The following SMAD2 variants were observed in gnomAD, a reference collection of about 807,000 sequenced individuals.
SMAD2 encodes the protein SMAD family member 2.
In SMAD2, 8 loss-of-function variants were observed where a neutral mutation model predicts 64.4. That is an observed-to-expected ratio of 0.12 (90% confidence interval 0.07 to 0.22). The LOEUF (loss-of-function observed/expected upper bound fraction) is 0.22. Ranked by LOEUF, SMAD2 falls within the 10% of genes least tolerant of loss-of-function variation. The pLI, the probability that SMAD2 is intolerant of heterozygous loss-of-function variation, is 1.00. For missense variants in SMAD2, 289 were observed against 561.2 expected, an observed-to-expected ratio of 0.51 and a Z score of 4.90; for synonymous variants, 203 against 195.8, an observed-to-expected ratio of 1.04 and a Z score of -0.31.
At chr18:47,895,742 C>T (rs947235153) in intron 2 of SMAD2, 1 of 152,198 alleles carries the variant, frequency 6.6e-6, no homozygotes, top group Admixed American at 6.5e-5. Flanking sequence ...TATCTATAAG[C>T]ATCAAAAGTG....
intron 2 of SMAD2, among the ~76,000 whole-genome samples, chr18:47,889,722 C>T (rs1317041473): frequency 2.0e-5 from 3 of 149,844 alleles, no homozygotes; most frequent in African/African-American, 7.4e-5. Context: ...AGTGAGCCGA[C>T]ATCACGCCAC....
chr18:47,821,988 TG>T lies in SMAD2; in HGVS notation c.*19838del, dbSNP rs1292830694. ...CCTTTGAGTTTTCCACTTGGGCCTC[TG>T]GAAAGCCTCAGAGCATGTGTATGCC... is the stretch of plus-strand genomic sequence containing the variant. On this transcript the variant is annotated 3_prime_UTR_variant, in exon 11 of 11. Transcript: ENST00000262160. 2 of 152,238 alleles carry T rather than the reference TG, an allele frequency of 1.3e-5. No individual in the cohort carries two copies. Among genetic ancestry groups the T allele is most frequent in the Non-Finnish European group, 1.5e-5 (1 of 68,038 alleles). 9.4% of individuals were successfully genotyped at this position (152,238 alleles called of 1,614,324 possible). A position where few individuals can be genotyped will look rare whatever the true frequency, so the allele number is the denominator to read the frequency against.
Position 47,832,591 on chromosome 18 carries a change from G to A in SMAD2, c.*9236C>T, listed in dbSNP as rs1913041137. 6.6e-6 allele frequency: 1 copy of A among 151,960 alleles called. No homozygotes were observed. The highest frequency in any genetic ancestry group is 2.1e-4 in the South Asian group (1 of 4,806). 9.4% of individuals were successfully genotyped at this position (151,960 alleles called of 1,614,324 possible). On this transcript the variant is annotated 3_prime_UTR_variant, in exon 11 of 11. Transcript: ENST00000262160. ...CATCCACAGAACTGAATTCTTGCAA[G>A]GCACAAAGGAAGTGTGGCTGACCTA...
At chr18:47,865,909 A>G (rs2144364257) in intron 5 of SMAD2, among the ~76,000 whole-genome samples, 1 of 152,364 alleles carries the variant, frequency 6.6e-6, no homozygotes, top group Admixed American at 6.5e-5. Flanking sequence ...AATCAACTGT[A>G]ATTCCAGGGA....
At chr18:47,883,325 T>C (rs2032716205) in intron 2 of SMAD2, among the ~76,000 whole-genome samples, 1 of 152,222 alleles carries the variant, frequency 6.6e-6, no homozygotes. Flanking sequence ...TTATTGGTAT[T>C]AATTTCTTAT....
intron 1 of SMAD2, among the ~76,000 whole-genome samples, chr18:47,904,388 C>T (rs2033820896): frequency 6.6e-6 from 1 of 151,734 alleles, no homozygotes. Flanking sequence ...TGGAGCAAAA[C>T]TTACTTGCCC....
intron 2 of SMAD2, among the ~76,000 whole-genome samples, chr18:47,874,292 T>C (rs2032129194): frequency 1.3e-5 from 2 of 152,172 alleles, no homozygotes; most frequent in Non-Finnish European, 2.9e-5. Flanking sequence ...AATATTCTGA[T>C]CAAGAGAAGC....
rs192836264 is a variant in SMAD2 at position 47,854,165 on chromosome 18, C to T, written c.731-2838G>A. On this transcript the variant is annotated intron_variant, in intron 6 of 10. Transcript: ENST00000262160. ...CATACATAAATGCTGCTATTGGAGT[C>T]TCACCTACCACAGGTCTTCCACTTA... Among the ~76,000 whole-genome samples the T allele has an allele frequency of 7.8e-3, 1,189 of 151,566 alleles. 2 individuals carry two copies. Among genetic ancestry groups the T allele is most frequent in the Non-Finnish European group, 0.012 (818 of 67,962 alleles).
chr18:47,884,401 C>T (rs754892973), intron 2 of SMAD2, among the ~76,000 whole-genome samples: 1 of 152,142 alleles, frequency 6.6e-6, no homozygotes, highest in Non-Finnish European at 1.5e-5. Flanking sequence ...TAAGGTCCTA[C>T]AGCCAGCAAG....
chr18:47,878,597 C>T (rs1228814855), intron 2 of SMAD2: 5 of 152,106 alleles, frequency 3.3e-5, no homozygotes, highest in African/African-American at 1.2e-4. Context: ...CTACTGCACT[C>T]CAGCCTGGGT....
chr18:47,899,126 A>T (rs187553660), intron 1 of SMAD2, among the ~76,000 whole-genome samples: 1 of 152,274 alleles, frequency 6.6e-6, no homozygotes, highest in Admixed American at 6.5e-5. Flanking sequence ...ACATAGAAGG[A>T]ACAGAGTTGA....
chr18:47,887,038 T>C (rs2032951086), intron 2 of SMAD2: 1 of 152,242 alleles, frequency 6.6e-6, no homozygotes, highest in South Asian at 2.1e-4. Context: ...ACCACTAAAT[T>C]TGGAATTCTC....
chr18:47,848,461 A>G lies in SMAD2; in HGVS notation c.997+14T>C, dbSNP rs1404726946. Reference sequence around the variant, plus strand: ...ACAGCATTTATTTTTCACAACAAGGAAAATAAAACATACCTATATGCCTTC... The same window carrying G: ...ACAGCATTTATTTTTCACAACAAGGGAAATAAAACATACCTATATGCCTTC... On this transcript the variant is annotated intron_variant, in intron 8 of 10. Transcript: ENST00000262160. 6.3e-7 allele frequency: 1 copy of G among 1,584,414 alleles called. No homozygotes were observed. The highest frequency in any genetic ancestry group is 8.7e-7 in the Non-Finnish European group (1 of 1,153,008).
intron 6 of SMAD2, among the ~76,000 whole-genome samples, chr18:47,855,219 T>C (rs943460788): frequency 1.3e-5 from 2 of 152,208 alleles, no homozygotes; most frequent in Non-Finnish European, 2.9e-5. Context: ...GGACCTGTTG[T>C]ACATTAATTG....
Position 47,832,924 on chromosome 18 carries a change from C to T in SMAD2, c.*8903G>A, listed in dbSNP as rs1393140020. The T allele has an allele frequency of 1.3e-5, 2 of 159,162 alleles. No homozygotes were observed. The highest frequency in any genetic ancestry group is 2.4e-5 in the African/African-American group (1 of 41,272). The allele number at this position is 159,162 out of a possible 1,614,324, so 9.9% of individuals were successfully genotyped here. ...GGATAGGATAATCTTTTATGTAACA[C>T]CAAATTAAAAAAACAAAAACATGTA... On this transcript the variant is annotated 3_prime_UTR_variant, in exon 11 of 11. Coordinates refer to ENST00000262160, the MANE Select transcript of SMAD2 (RefSeq NM_005901.6).
chr18:47,880,045 A>G (rs960066506), intron 2 of SMAD2, among the ~76,000 whole-genome samples: 3 of 152,208 alleles, frequency 2.0e-5, no homozygotes, highest in African/African-American at 7.2e-5. Context: ...GAGTTATAGA[A>G]ATCTTTATAA....
Position 47,818,353 on chromosome 18 carries a change from A to G in SMAD2, c.*23474T>C, listed in dbSNP as rs1912442714. The G allele has an allele frequency of 6.6e-6, 1 of 152,244 alleles. No homozygotes were observed. Among genetic ancestry groups the G allele is most frequent in the South Asian group, 2.1e-4 (1 of 4,832 alleles). The allele number at this position is 152,244 out of a possible 1,614,324, so 9.4% of individuals were successfully genotyped here. On this transcript the variant is annotated 3_prime_UTR_variant, in exon 11 of 11. Coordinates refer to ENST00000262160, the MANE Select transcript of SMAD2 (RefSeq NM_005901.6). ...TTTAATGTAAATTTAGGTTTGCCTAATAACTGCTTAGGGTGATGGAACAGT... is the reference window on the plus strand; with the variant it reads ...TTTAATGTAAATTTAGGTTTGCCTAGTAACTGCTTAGGGTGATGGAACAGT...
intron 5 of SMAD2, among the ~76,000 whole-genome samples, chr18:47,867,698 A>AT (rs1399821938): frequency 6.6e-6 from 1 of 151,602 alleles, no homozygotes; most frequent in Non-Finnish European, 1.5e-5. Flanking sequence ...AAAAGGCCAG[A>AT]TATCATATCG....
At chr18:47,886,337 A>G (rs984299669) in intron 2 of SMAD2, among the ~76,000 whole-genome samples, 1 of 152,232 alleles carries the variant, frequency 6.6e-6, no homozygotes, top group Non-Finnish European at 1.5e-5. Flanking sequence ...TAAAATGTTT[A>G]GGCAAATGTT....
Sources: allele counts gnomAD v4.1 joint callset (sites outside exome capture counted in the v4.1 genomes callset), GRCh38; gene constraint gnomAD v4.1.1; transcripts MANE v1.5; gene names NCBI Gene and HGNC (gene_info 2026-07-23, HGNC 2026-07-21).